Variants in FNBP1L observed in about 807,000 individuals in gnomAD.
FNBP1L encodes the protein formin-binding protein 1-like.
A neutral mutation model predicts 91.2 loss-of-function variants in FNBP1L; 36 were observed. The ratio of observed to expected loss-of-function variants is 0.39; its 90% CI spans 0.30 to 0.52. FNBP1L has a LOEUF of 0.52. Among genes scored for constraint, FNBP1L ranks in the 20% least tolerant of loss-of-function variants. The pLI, the probability that FNBP1L is intolerant of heterozygous loss-of-function variation, is 0.66. For missense variants in FNBP1L, 571 were observed against 732.1 expected (o/e 0.78, Z 2.54); for synonymous variants, 242 against 237.0 (o/e 1.02, Z -0.19).
At chr1:93,503,624 A>G (rs1670509311) in intron 2 of FNBP1L, among the ~76,000 whole-genome samples, 1 of 152,186 alleles carries the variant, frequency 6.6e-6, no homozygotes, top group Admixed American at 6.5e-5. Context: ...GGGAATAAAT[A>G]GAAAATAAAG....
At chr1:93,476,002 A>C (rs1669481056) in intron 1 of FNBP1L, among the ~76,000 whole-genome samples, 1 of 151,892 alleles carries the variant, frequency 6.6e-6, no homozygotes, top group Non-Finnish European at 1.5e-5. Context: ...AGTTTTCTTG[A>C]GTTTTTGAGA....
intron 2 of FNBP1L, among the ~76,000 whole-genome samples, chr1:93,514,894 CA>C (rs1435082185): frequency 6.6e-6 from 1 of 152,066 alleles, no homozygotes; most frequent in Non-Finnish European, 1.5e-5. Flanking sequence ...AAAGCAATGG[CA>C]ACAAAAGCCA....
chr1:93,512,742 A>G (rs1183019320), intron 2 of FNBP1L, among the ~76,000 whole-genome samples: 1 of 152,094 alleles, frequency 6.6e-6, no homozygotes, highest in African/African-American at 2.4e-5. Context: ...AAGACACAAC[A>G]TACCAGAGTC....
intron 2 of FNBP1L, among the ~76,000 whole-genome samples, chr1:93,514,312 G>A (rs1307307590): frequency 6.6e-6 from 1 of 151,206 alleles, no homozygotes; most frequent in Non-Finnish European, 1.5e-5. Context: ...TGGGTAGGAA[G>A]AATCAATATC....
chr1:93,549,038 A>G (rs1422955094), intron 14 of FNBP1L, among the ~76,000 whole-genome samples: 4 of 152,156 alleles, frequency 2.6e-5, no homozygotes, highest in Non-Finnish European at 5.9e-5. Context: ...ACTGAATAAT[A>G]CTTTGTGCCT....
At chr1:93,525,184 G>T (rs192785202) in intron 5 of FNBP1L, among the ~76,000 whole-genome samples, 3 of 151,936 alleles carry the variant, frequency 2.0e-5, no homozygotes, top group African/African-American at 7.2e-5. Flanking sequence ...TGGACACTGC[G>T]TATTCCTTGA....
At chr1:93,473,076 A>G (rs1014042793) in intron 1 of FNBP1L, among the ~76,000 whole-genome samples, 9 of 151,920 alleles carry the variant, frequency 5.9e-5, no homozygotes, top group African/African-American at 2.2e-4. Context: ...TTTTGTCTGC[A>G]TTTTGTTTAC....
Position 93,553,220 on chromosome 1 carries a change from C to G in FNBP1L, c.*804C>G, listed in dbSNP as rs559168019. ...AGCACTGAAATCCTGGCATAATAAA[C>G]ACAGAAGATATTCACCACCTCAAGA... On this transcript the variant is annotated 3_prime_UTR_variant, in exon 17 of 17. Transcript: ENST00000271234. 1.2e-4 allele frequency: 18 copies of G among 152,764 alleles called. No individual in the cohort carries two copies. The highest frequency in any genetic ancestry group is 4.3e-4 in the African/African-American group (18 of 41,572). The allele number at this position is 152,764 out of a possible 1,614,324, so 9.5% of individuals were successfully genotyped here. A position where few individuals can be genotyped will look rare whatever the true frequency, so the allele number is the denominator to read the frequency against.
chr1:93,490,167 GT>G (rs11311689), intron 1 of FNBP1L, among the ~76,000 whole-genome samples: 146,984 of 152,170 alleles, frequency 0.97, 71,168 homozygotes, highest in Non-Finnish European at 1. Flanking sequence ...ACATAAAATA[GT>G]TTTTTTTAAA....
At chr1:93,540,241 T>TATA (rs1671992624) in intron 10 of FNBP1L, among the ~76,000 whole-genome samples, 1 of 152,094 alleles carries the variant, frequency 6.6e-6, no homozygotes, top group South Asian at 2.1e-4. Context: ...AAGAGCACTA[T>TATA]GGTTGGTCTC....
At chr1:93,550,534 T>C (rs770200954) in intron 15 of FNBP1L, among the ~76,000 whole-genome samples, 8 of 152,200 alleles carry the variant, frequency 5.3e-5, no homozygotes, top group Admixed American at 1.3e-4. Flanking sequence ...CAGACTCTCT[T>C]TTTTCCTTCT....
intron 1 of FNBP1L, among the ~76,000 whole-genome samples, chr1:93,459,832 G>A (rs928424065): frequency 6.6e-6 from 1 of 152,062 alleles, no homozygotes; most frequent in Non-Finnish European, 1.5e-5. Context: ...TTGAATGTTT[G>A]TGTCCCCTCC....
At chr1:93,487,849 T>A (rs1324823209) in intron 1 of FNBP1L, among the ~76,000 whole-genome samples, 1 of 152,224 alleles carries the variant, frequency 6.6e-6, no homozygotes, top group Non-Finnish European at 1.5e-5. Context: ...ATTGCAATCA[T>A]GTCCAGGGTA....
At chr1:93,493,919 CAT>C (rs1253355317) in intron 1 of FNBP1L, among the ~76,000 whole-genome samples, 1 of 152,168 alleles carries the variant, frequency 6.6e-6, no homozygotes, top group Non-Finnish European at 1.5e-5. Context: ...ACACCAAACA[CAT>C]GAGTTTTTTC....
At position 93,448,217 on chromosome 1, in the gene FNBP1L, G is replaced by T; in HGVS notation, c.-65G>T. 2.0e-6 allele frequency: 3 copies of T among 1,515,866 alleles called. No homozygotes were observed. The South Asian group carries it at 3.7e-5, about 19-fold the overall frequency. The allele number at this position is 1,515,866 out of a possible 1,614,324, so 93.9% of individuals were successfully genotyped here. ...CCCGCCGGCCAGCGAGTGAGAGGTC[G>T]GACAGACTGTGGAGCCGACAGACTG... is the stretch of plus-strand genomic sequence containing the variant. On this transcript the variant is annotated 5_prime_UTR_variant, in exon 1 of 17. Transcript: ENST00000271234.
At chr1:93,510,434 C>T (rs1014756667) in intron 2 of FNBP1L, among the ~76,000 whole-genome samples, 2 of 152,172 alleles carry the variant, frequency 1.3e-5, no homozygotes, top group Admixed American at 6.5e-5. Context: ...ACAGAAAGGA[C>T]ATCCACACCA....
In FNBP1L at chr1:93,552,709, C is replaced by T; in HGVS notation, c.*293C>T. ...ATTGCTGTCTAATCAATAAAGAATG[C>T]AGAGCTGTCAAAAAATGTGTCTTAC... On this transcript the variant is annotated 3_prime_UTR_variant, in exon 17 of 17. Coordinates refer to ENST00000271234, the MANE Select transcript of FNBP1L (RefSeq NM_001164473.3). The T allele has an allele frequency of 3.3e-6, 1 of 307,218 alleles. No individual in the cohort carries two copies. Among genetic ancestry groups the T allele is most frequent in the Non-Finnish European group, 5.9e-6 (1 of 169,116 alleles). The allele number at this position is 307,218 out of a possible 1,614,324, so 19.0% of individuals were successfully genotyped here.
intron 1 of FNBP1L, among the ~76,000 whole-genome samples, chr1:93,460,388 A>G (rs1477053074): frequency 1.3e-5 from 2 of 152,240 alleles, no homozygotes; most frequent in Non-Finnish European, 1.5e-5. Flanking sequence ...CAGAACAATG[A>G]CAAATAAATT....
chr1:93,483,190 G>GA (rs76428254), intron 1 of FNBP1L, among the ~76,000 whole-genome samples: 8 of 80,856 alleles, frequency 9.9e-5, no homozygotes, highest in African/African-American at 3.6e-4. Context: ...ACCCTGTCTC[G>GA]AAAAAAAAAA....
Sources: gnomAD v4.1 joint callset for allele counts (sites outside exome capture counted in the v4.1 genomes callset) on GRCh38, gnomAD v4.1.1 for gene constraint, MANE v1.5 for transcripts, NCBI Gene and HGNC (gene_info 2026-07-23, HGNC 2026-07-21) for gene names.